KLHDC10: variants seen among roughly 807,000 people sequenced by gnomAD.
KLHDC10 encodes the protein kelch domain containing 10.
KLHDC10 carries 24 observed loss-of-function variants against 56.1 expected under a neutral mutation model. The observed-to-expected ratio is 0.43, with a 90% confidence interval of 0.31 to 0.60. KLHDC10 has a LOEUF of 0.60. Among genes scored for constraint, KLHDC10 ranks in the 20% least tolerant of loss-of-function variants. The pLI is 0.11. For synonymous variants in KLHDC10, 188 were observed against 207.1 expected (o/e 0.91, Z 0.79); for missense variants, 349 against 567.0 (o/e 0.62, Z 3.91).
intron 1 of KLHDC10, among the ~76,000 whole-genome samples, chr7:130,073,889 G>A (rs1341037662): frequency 1.3e-5 from 2 of 151,976 alleles, no homozygotes; most frequent in African/African-American, 2.4e-5. Context: ...TCCAATCCAC[G>A]GTGCCACCAT....
chr7:130,076,750 G>T (rs981783288), intron 1 of KLHDC10, among the ~76,000 whole-genome samples: 1 of 152,098 alleles, frequency 6.6e-6, no homozygotes, highest in Non-Finnish European at 1.5e-5. Flanking sequence ...TTGTCTATAG[G>T]TGTACTTAGT....
chr7:130,074,673 T>G (rs1584615261), intron 1 of KLHDC10, among the ~76,000 whole-genome samples: 1 of 149,054 alleles, frequency 6.7e-6, no homozygotes, highest in African/African-American at 2.5e-5. Flanking sequence ...CAGGCTAGAG[T>G]GCAGTGGCGC....
intron 6 of KLHDC10, among the ~76,000 whole-genome samples, chr7:130,125,133 A>C (rs376629151): frequency 6.6e-6 from 1 of 152,250 alleles, no homozygotes; most frequent in Non-Finnish European, 1.5e-5. Context: ...TATAAAAATG[A>C]TACATGCCCC....
At chr7:130,113,123 T>C (rs944360154) in intron 2 of KLHDC10, among the ~76,000 whole-genome samples, 2 of 152,116 alleles carry the variant, frequency 1.3e-5, no homozygotes, top group African/African-American at 4.8e-5. Flanking sequence ...TGAAATCCAG[T>C]GAGTATTTTA....
At position 130,127,549 on chromosome 7, in the gene KLHDC10, C is replaced by A. The variant is rs1228326854; in HGVS notation, c.979+98C>A. 1.5e-5 allele frequency: 12 copies of A among 826,492 alleles called. 1 individual carries two copies. The highest frequency in any genetic ancestry group is 2.4e-5 in the Non-Finnish European group (12 of 499,586). 51.2% of individuals were successfully genotyped at this position (826,492 alleles called of 1,614,324 possible). ...TAGCCCCCTCAAAAGAGGCTCATAA[C>A]TTTGAGAAAAGTCTATTTCTTGTAA... On this transcript the variant is annotated intron_variant, in intron 8 of 9. Transcript: ENST00000335420.
At chr7:130,073,973 G>A (rs146028851) in intron 1 of KLHDC10, among the ~76,000 whole-genome samples, 25 of 152,210 alleles carry the variant, frequency 1.6e-4, no homozygotes, top group Non-Finnish European at 3.2e-4. Flanking sequence ...AATTCATATA[G>A]CACACCAGTC....
intron 1 of KLHDC10, among the ~76,000 whole-genome samples, chr7:130,092,005 G>A (rs1335575971): frequency 6.6e-5 from 10 of 152,136 alleles, no homozygotes; most frequent in Non-Finnish European, 2.9e-5. Flanking sequence ...AGTGTCCCAG[G>A]ACAATTTGTT....
intron 3 of KLHDC10, among the ~76,000 whole-genome samples, chr7:130,119,666 A>G (rs925701334): frequency 2.0e-5 from 3 of 151,808 alleles, no homozygotes; most frequent in African/African-American, 7.3e-5. Context: ...CAATGTGGTG[A>G]AACCCCGTCT....
intron 1 of KLHDC10, among the ~76,000 whole-genome samples, chr7:130,076,041 A>T (rs527930349): frequency 6.6e-5 from 10 of 152,160 alleles, no homozygotes; most frequent in African/African-American, 2.4e-4. Flanking sequence ...ATGGACCGGG[A>T]TGGTGGGGTG....
intron 2 of KLHDC10, among the ~76,000 whole-genome samples, chr7:130,105,482 T>C (rs898835811): frequency 1.3e-5 from 2 of 152,150 alleles, no homozygotes; most frequent in African/African-American, 4.8e-5. Flanking sequence ...AAAAACATAA[T>C]TGTGAATAAA....
At position 130,120,714 on chromosome 7, in the gene KLHDC10, A is replaced by G; in HGVS notation, c.476-35A>G. The G allele has an allele frequency of 1.2e-6, 2 of 1,610,404 alleles. No homozygotes were observed. Among genetic ancestry groups the G allele is most frequent in the Non-Finnish European group, 1.7e-6 (2 of 1,177,876 alleles). On this transcript the variant is annotated intron_variant, in intron 3 of 9. Transcript: ENST00000335420. This position sits in a 1 kb window ranked among gnomAD's most constrained non-coding sequence, Gnocchi z 5.1. The stretch of plus-strand genomic sequence containing the variant: ...ATGTGGGAACAAATTGCAGGTAGCC[A>G]TTTGTGAACAGAACTTGTGCTTCTC...
At position 130,075,227 on chromosome 7, in the gene KLHDC10, G is replaced by A. The variant is rs80084331; in HGVS notation, c.166+4418G>A. 7.1e-3 allele frequency among the ~76,000 whole-genome samples: 1,074 copies of A among 152,272 alleles called. 13 individuals carry two copies. Among genetic ancestry groups the A allele is most frequent in the Middle Eastern group, 0.024 (7 of 294 alleles). On this transcript the variant is annotated intron_variant, in intron 1 of 9. Transcript: ENST00000335420. The stretch of plus-strand genomic sequence containing the variant: ...TAGCTGTTGTGATTTAACTGTGTGA[G>A]TTTGATTAAATACCATGATTAGCTG...
At chr7:130,079,291 C>T (rs1250334915) in intron 1 of KLHDC10, among the ~76,000 whole-genome samples, 1 of 152,088 alleles carries the variant, frequency 6.6e-6, no homozygotes, top group Non-Finnish European at 1.5e-5. Context: ...CTCTTGACCT[C>T]AAGTGATTCG....
At position 130,129,415 on chromosome 7, in the gene KLHDC10, T is replaced by C. The variant is rs762213929; in HGVS notation, c.980-22T>C. On this transcript the variant is annotated intron_variant, in intron 8 of 9. Transcript: ENST00000335420. Reference sequence around the variant, plus strand: ...TTGGCTCTTTTCCTTTGTGTGATCTTGGCTTTCTCTTTTCTTCATAGATGT... The same window carrying C: ...TTGGCTCTTTTCCTTTGTGTGATCTCGGCTTTCTCTTTTCTTCATAGATGT... 2.5e-6 allele frequency: 4 copies of C among 1,612,398 alleles called. No homozygotes were observed. In the South Asian group the frequency reaches 4.4e-5, roughly 18 times the overall value.
At chr7:130,078,771 G>T (rs1795554612) in intron 1 of KLHDC10, among the ~76,000 whole-genome samples, 2 of 152,202 alleles carry the variant, frequency 1.3e-5, no homozygotes, top group African/African-American at 4.8e-5. Flanking sequence ...ACCCTCCTCG[G>T]CCTCCCGAAG....
intron 2 of KLHDC10, among the ~76,000 whole-genome samples, chr7:130,113,334 C>CT (rs112573281): frequency 0.36 from 51,807 of 144,592 alleles, 9,811 homozygotes; most frequent in Non-Finnish European, 0.44. Context: ...CCAATAGTAA[C>CT]TTTTTTTTTT....
At position 130,128,052 on chromosome 7, in the gene KLHDC10, G is replaced by C. The variant is rs573163254; in HGVS notation, c.979+601G>C. ...ATAGCTCTTAAATTTTTTCTGGGAG[G>C]AAAGCATGTATAAATGAGTTAGATA... On this transcript the variant is annotated intron_variant, in intron 8 of 9. Transcript: ENST00000335420. 2.0e-5 allele frequency among the ~76,000 whole-genome samples: 3 copies of C among 152,286 alleles called. No individual in the cohort carries two copies. The South Asian group carries it at 6.2e-4, about 32-fold the overall frequency.
rs1333321192 is a variant in KLHDC10 at position 130,132,178 on chromosome 7, T to G, written c.*1432T>G. The G allele has an allele frequency of 6.6e-6, 1 of 152,152 alleles. No individual in the cohort carries two copies. Among genetic ancestry groups the G allele is most frequent in the Non-Finnish European group, 1.5e-5 (1 of 68,018 alleles). The allele number at this position is 152,152 out of a possible 1,614,324, so 9.4% of individuals were successfully genotyped here. On this transcript the variant is annotated 3_prime_UTR_variant, in exon 10 of 10. Coordinates refer to ENST00000335420, the MANE Select transcript of KLHDC10 (RefSeq NM_014997.4). ...GCGCATGTGTAAGCCGCAGGTGTAC[T>G]CAAGGTGCTGAAGGCGTGCAAGGGG...
chr7:130,074,619 C>CT (rs577941524), intron 1 of KLHDC10, among the ~76,000 whole-genome samples: 2,721 of 139,266 alleles, frequency 0.02, 71 homozygotes, highest in African/African-American at 0.058. Flanking sequence ...GGTTCTCTCT[C>CT]TTTTTTTTTT....
Sources: gnomAD v4.1 joint callset for allele counts (sites outside exome capture counted in the v4.1 genomes callset) on GRCh38, gnomAD v4.1.1 for gene constraint, Gnocchi (gnomAD v3.1) non-coding constraint, MANE v1.5 for transcripts, NCBI Gene and HGNC (gene_info 2026-07-23, HGNC 2026-07-21) for gene names.